Variants in FANCD2OS observed in about 807,000 individuals in gnomAD.
FANCD2OS encodes the protein FANCD2 opposite strand protein.
Under a neutral mutation model 13.2 loss-of-function variants are expected in FANCD2OS, and 11 were observed. That is an observed-to-expected ratio of 0.83 (90% confidence interval 0.52 to 1.38). The LOEUF (loss-of-function observed/expected upper bound fraction) is 1.38, where lower values mean the gene tolerates loss of function less well. Ranked by LOEUF, FANCD2OS falls within the 40% of genes most tolerant of loss-of-function variation. FANCD2OS has a pLI of 0.00. For synonymous variants in FANCD2OS, 69 were observed against 84.5 expected (o/e 0.82, Z 1.01); for missense variants, 217 against 213.9 (o/e 1.01, Z -0.09).
intron 1 of FANCD2OS, among the ~76,000 whole-genome samples, chr3:10,105,805 T>TTG: frequency 1.3e-5 from 1 of 74,074 alleles, no homozygotes; most frequent in Non-Finnish European, 2.5e-5. Context: ...TATATATATA[T>TTG]ATATATATAT....
At chr3:10,089,035 C>T in intron 2 of FANCD2OS, 1 of 1,480,980 alleles carries the variant, frequency 6.8e-7, no homozygotes, top group Non-Finnish European at 9.4e-7. Flanking sequence ...GTAATCCCAG[C>T]ACTTTGGGAG....
In FANCD2OS at chr3:10,104,024, T is replaced by C; in HGVS notation, c.*217A>G. On this transcript the variant is annotated 3_prime_UTR_variant, in exon 2 of 2. Transcript: ENST00000450660. ...TCAATGCTAGTTTGACTCTAAATGG[T>C]TCAACCTTACAATGGGAATGTTCTT... 1.8e-6 allele frequency: 1 copy of C among 556,298 alleles called. No homozygotes were observed. The highest frequency in any genetic ancestry group is 3.1e-6 in the Non-Finnish European group (1 of 318,340). 34.5% of individuals were successfully genotyped at this position (556,298 alleles called of 1,614,324 possible). A position where few individuals can be genotyped will look rare whatever the true frequency, so the allele number is the denominator to read the frequency against.
Position 10,105,820 on chromosome 3 carries a change from A to ATT in FANCD2OS, c.-8-1040_-8-1039dup, listed in dbSNP as rs1234979336. The stretch of plus-strand genomic sequence containing the variant: ...TATATATATATATATATATATATAT[A>ATT]TTTTGAGGTTCGCGATGTATGAACC... On this transcript the variant is annotated intron_variant, in intron 1 of 1. Coordinates refer to ENST00000450660, the MANE Select transcript of FANCD2OS (RefSeq NM_001164839.2). Among the ~76,000 whole-genome samples, 16 of 72,468 alleles carry ATT rather than the reference A, an allele frequency of 2.2e-4. 1 individual carries two copies. Among genetic ancestry groups the ATT allele is most frequent in the East Asian group, 3.8e-4 (1 of 2,626 alleles). 47.5% of individuals were successfully genotyped at this position (72,468 alleles called of 152,430 possible). A position where few individuals can be genotyped will look rare whatever the true frequency, so the allele number is the denominator to read the frequency against.
In FANCD2OS at chr3:10,091,770, A is replaced by G. The variant is rs559744107; in HGVS notation, c.*44-10239T>C. On this transcript the variant is annotated intron_variant, in intron 2 of 2. Transcript: ENST00000524279. ...ACAAAACAAAAACAAAAAACAGCTT[A>G]GGAGAAAACTTGGACCCAAGACATA... Among the ~76,000 whole-genome samples the G allele has an allele frequency of 3.3e-5, 5 of 152,334 alleles. No homozygotes were observed. In the South Asian group the frequency reaches 1.0e-3, roughly 32 times the overall value.
downstream of FANCD2OS, among the ~76,000 whole-genome samples, chr3:10,097,920 G>A (rs1012023755): frequency 1.1e-4 from 17 of 152,152 alleles, no homozygotes; most frequent in Non-Finnish European, 2.2e-4. Flanking sequence ...GGCTTCAGCC[G>A]GTCCCTCCGT....
At chr3:10,101,375 CTCTT>C (rs1244705554), downstream of FANCD2OS, 4 of 581,542 alleles carry the variant, frequency 6.9e-6, no homozygotes, top group Admixed American at 3.2e-5. Flanking sequence ...TTTTTTGTTC[CTCTT>C]TTTTTTTTTT....
At chr3:10,082,605 G>C (rs56048698) in intron 2 of FANCD2OS, among the ~76,000 whole-genome samples, 148 of 152,004 alleles carry the variant, frequency 9.7e-4, no homozygotes, top group Middle Eastern at 3.4e-3. Context: ...TAGCTTTTAC[G>C]TGGGAGGCTT....
intron 1 of FANCD2OS, among the ~76,000 whole-genome samples, 186 bp from the exon 2 acceptor site, chr3:10,104,968 CAA>C (rs915264146): frequency 9.2e-5 from 14 of 152,066 alleles, no homozygotes; most frequent in East Asian, 3.9e-4. Context: ...TTTTTTGAGA[CAA>C]GAGTCTCGCT....
At chr3:10,088,794 A>C in intron 2 of FANCD2OS, 1 of 1,611,556 alleles carries the variant, frequency 6.2e-7, no homozygotes, top group Non-Finnish European at 8.5e-7. Flanking sequence ...CTACTTTGTT[A>C]ATTAGTGGGT....
downstream of FANCD2OS, chr3:10,102,958 T>C (rs1474609296): frequency 1.5e-5 from 4 of 272,534 alleles, no homozygotes; most frequent in South Asian, 1.2e-4. Context: ...CTAACCTAGT[T>C]ACAAGAACGC....
At chr3:10,102,552 C>T (rs1462427947), downstream of FANCD2OS, among the ~76,000 whole-genome samples, 3 of 151,858 alleles carry the variant, frequency 2.0e-5, no homozygotes, top group East Asian at 1.9e-4. Flanking sequence ...AAGCTGGGCG[C>T]GGTGGCTCGC....
At position 10,081,627 on chromosome 3, in the gene FANCD2OS, A is replaced by C. The variant is rs568071088; in HGVS notation, c.*44-96T>G. 5.6e-6 allele frequency: 4 copies of C among 718,292 alleles called. No homozygotes were observed. The African/African-American group carries it at 7.0e-5, about 13-fold the overall frequency. 44.5% of individuals were successfully genotyped at this position (718,292 alleles called of 1,614,324 possible). ...GTTTTTGTCTGTATTATTTCATTTG[A>C]TCTTGTACCCTCTGAGTCCTTTGGA... On this transcript the variant is annotated intron_variant, in intron 2 of 2. Transcript: ENST00000524279.
chr3:10,107,273 G>A (rs1009290524), intron 1 of FANCD2OS, among the ~76,000 whole-genome samples: 2 of 149,928 alleles, frequency 1.3e-5, no homozygotes, highest in Non-Finnish European at 1.5e-5. Flanking sequence ...TTTAATCCCA[G>A]GATCCTTTTC....
At chr3:10,088,477 G>A (rs775736013) in intron 2 of FANCD2OS, 1 of 1,611,706 alleles carries the variant, frequency 6.2e-7, no homozygotes, top group South Asian at 1.1e-5. Context: ...TCCTCTGTCG[G>A]GTGTGGCCAA....
At chr3:10,103,768 G>A (rs1283094024), downstream of FANCD2OS, among the ~76,000 whole-genome samples, 1 of 152,098 alleles carries the variant, frequency 6.6e-6, no homozygotes, top group Admixed American at 6.6e-5. Flanking sequence ...ATTAGGGTGT[G>A]GTTGGTTAGG....
At position 10,088,294 on chromosome 3, in the gene FANCD2OS, G is replaced by A. The variant is rs17032365; in HGVS notation, c.*44-6763C>T. 0.015 allele frequency among the ~76,000 whole-genome samples: 2,244 copies of A among 152,314 alleles called. 52 individuals carry two copies. Among genetic ancestry groups the A allele is most frequent in the African/African-American group, 0.05 (2,071 of 41,562 alleles). On this transcript the variant is annotated intron_variant, in intron 2 of 2. Transcript: ENST00000524279. ...GCAAAAGGGCCAGTGGATCAGGAAC[G>A]TGACAGCTTTTTGTAAGTTGCCTGT...
At chr3:10,085,949 T>A (rs1185697278) in intron 2 of FANCD2OS, 3 of 1,489,366 alleles carry the variant, frequency 2.0e-6, no homozygotes, top group South Asian at 1.1e-5. Flanking sequence ...TAGCCAAGAT[T>A]GTTGTCCCAA....
intron 2 of FANCD2OS, chr3:10,090,211 T>G (rs1473508030): frequency 1.0e-6 from 1 of 981,814 alleles, no homozygotes; most frequent in Non-Finnish European, 1.6e-6. Flanking sequence ...GGAAGGAAGC[T>G]ACTTTTGGTT....
Position 10,104,513 on chromosome 3 carries a change from C to T in FANCD2OS, c.262G>A (p.Val88Ile), listed in dbSNP as rs779806764. Residue 88 changes from valine (V) to isoleucine (I), a missense_variant, in exon 2 of 2, where the codon GTC becomes ATC. Physicochemically the swap from Val to Ile is conservative, Grantham distance 29. Transcript: ENST00000450660. ...AGGCGGATGGGCTGGGGCTTCCTGACCAGTCCTTTGTTGTTCATCGTGCGC... is the reference window on the plus strand; with the variant it reads ...AGGCGGATGGGCTGGGGCTTCCTGATCAGTCCTTTGTTGTTCATCGTGCGC... ...ELRTMNNKGL[V>I]RKPQPIRLSG... The T allele has an allele frequency of 6.2e-7, 1 of 1,614,180 alleles. No homozygotes were observed. Among genetic ancestry groups the T allele is most frequent in the Admixed American group, 1.7e-5 (1 of 60,016 alleles).
Sources: allele counts gnomAD v4.1 joint callset (sites outside exome capture counted in the v4.1 genomes callset), GRCh38; gene constraint gnomAD v4.1.1; transcripts MANE v1.5; gene names NCBI Gene and HGNC (gene_info 2026-07-23, HGNC 2026-07-21).